TENM2: variants seen among roughly 807,000 people sequenced by gnomAD.
TENM2 encodes the protein teneurin-2.
TENM2 carries 52 observed loss-of-function variants against 245.2 expected under a neutral mutation model. That is an observed-to-expected ratio of 0.21 (90% CI 0.17 to 0.27). The LOEUF (loss-of-function observed/expected upper bound fraction) is 0.27, where lower values mean the gene tolerates loss of function less well. Among genes scored for constraint, TENM2 ranks in the 10% least tolerant of loss-of-function variants. The pLI, the probability that TENM2 is intolerant of heterozygous loss-of-function variation, is 1.00. For missense variants in TENM2, 3,046 were observed against 3,666.8 expected, an observed-to-expected ratio of 0.83 and a Z score of 4.37; for synonymous variants, 1,363 against 1,438.9, an observed-to-expected ratio of 0.95 and a Z score of 1.19.
intron 2 of TENM2, among the ~76,000 whole-genome samples, chr5:167,841,151 G>A (rs959808386): frequency 2.0e-5 from 3 of 151,608 alleles, no homozygotes; most frequent in Admixed American, 6.6e-5. Flanking sequence ...CCATCTCCCA[G>A]GTTCAAGTGA....
intron 27 of TENM2, among the ~76,000 whole-genome samples, chr5:168,256,134 A>G (rs1336866312): frequency 6.6e-6 from 1 of 152,050 alleles, no homozygotes; most frequent in Non-Finnish European, 1.5e-5. Flanking sequence ...ATTTACCTAA[A>G]TGGAAAGGCA....
chr5:167,868,306 C>T (rs1772506220), intron 2 of TENM2, among the ~76,000 whole-genome samples: 2 of 152,036 alleles, frequency 1.3e-5, no homozygotes, highest in African/African-American at 4.8e-5. Flanking sequence ...GCTAGTCTGA[C>T]ATTAGCACTA....
intron 12 of TENM2, among the ~76,000 whole-genome samples, chr5:168,137,250 G>A (rs188185143): frequency 2.6e-5 from 4 of 152,230 alleles, no homozygotes; most frequent in African/African-American, 9.6e-5. Flanking sequence ...TAGCAATGAA[G>A]TTGGTTAGAG....
chr5:167,762,194 C>T (rs1023230899), intron 2 of TENM2, among the ~76,000 whole-genome samples: 7 of 152,240 alleles, frequency 4.6e-5, no homozygotes, highest in Non-Finnish European at 7.4e-5. Context: ...TGCATGGATA[C>T]GCAGCTCTAA....
In TENM2 at chr5:168,080,137, C is replaced by G. The variant is rs565059577; in HGVS notation, c.1516-10437C>G. ...GTTATTGTTCTATTCAGGGAATCAA[C>G]TTCTTCCTGGTTTAGTCTTGGGAGG... On this transcript the variant is annotated intron_variant, in intron 7 of 28. Transcript: ENST00000518659. Among the ~76,000 whole-genome samples, 13 of 152,282 alleles carry G rather than the reference C, an allele frequency of 8.5e-5. No homozygotes were observed. In the South Asian group the frequency reaches 2.7e-3, roughly 32 times the overall value.
chr5:167,492,319 A>C (rs941735864), intron 2 of TENM2, among the ~76,000 whole-genome samples: 1 of 152,132 alleles, frequency 6.6e-6, no homozygotes, highest in Non-Finnish European at 1.5e-5. Flanking sequence ...AGGAGGGCAT[A>C]ACCCTATTTG....
intron 3 of TENM2, among the ~76,000 whole-genome samples, chr5:167,887,014 G>A (rs1336377676): frequency 1.3e-5 from 2 of 152,140 alleles, no homozygotes; most frequent in African/African-American, 4.8e-5. Context: ...CACAGCTTAG[G>A]ATGGCATGAG....
chr5:167,348,459 A>G (rs1206917137), intron 1 of TENM2, among the ~76,000 whole-genome samples: 3 of 152,134 alleles, frequency 2.0e-5, no homozygotes, highest in Non-Finnish European at 4.4e-5. Context: ...TATCCTGGCG[A>G]CAGCTTGCTT....
chr5:167,410,928 T>A (rs1184974747), intron 2 of TENM2, among the ~76,000 whole-genome samples: 1 of 152,084 alleles, frequency 6.6e-6, no homozygotes, highest in East Asian at 1.9e-4. Flanking sequence ...ACCCACCTAT[T>A]AACCTCTAGC....
At chr5:167,935,892 T>G (rs1196777335) in intron 3 of TENM2, among the ~76,000 whole-genome samples, 3 of 150,238 alleles carry the variant, frequency 2.0e-5, no homozygotes, top group Non-Finnish European at 4.5e-5. Context: ...ACAGGTATGA[T>G]TTTTTTTTTC....
chr5:167,037,008 T>A, the TENM2 span, among the ~76,000 whole-genome samples: 1 of 152,324 alleles, frequency 6.6e-6, no homozygotes, highest in South Asian at 2.1e-4. Flanking sequence ...CCACACCGAA[T>A]ATATTTTGCC....
At chr5:167,806,639 A>G (rs1000054086) in intron 2 of TENM2, among the ~76,000 whole-genome samples, 3 of 152,108 alleles carry the variant, frequency 2.0e-5, no homozygotes, top group African/African-American at 7.2e-5. Flanking sequence ...AATCCACAAT[A>G]TCATGCTTAC....
intron 2 of TENM2, among the ~76,000 whole-genome samples, chr5:167,383,469 G>T (rs1761215119): frequency 6.6e-6 from 1 of 151,982 alleles, no homozygotes; most frequent in Non-Finnish European, 1.5e-5. Flanking sequence ...TCTTGCCTCT[G>T]GGGAGCTCTG....
At chr5:168,114,136 A>G (rs543664260) in intron 9 of TENM2, among the ~76,000 whole-genome samples, 102 of 152,294 alleles carry the variant, frequency 6.7e-4, no homozygotes, top group African/African-American at 2.3e-3. Flanking sequence ...GCATCTCTTA[A>G]TTTGCCTACC....
intron 1 of TENM2, among the ~76,000 whole-genome samples, chr5:167,350,413 ATGTG>A (rs35747170): frequency 0.18 from 24,814 of 141,702 alleles, 2,395 homozygotes; most frequent in Middle Eastern, 0.34. Context: ...ATACATATAT[ATGTG>A]TGTGTGTGTG....
intron 2 of TENM2, among the ~76,000 whole-genome samples, chr5:167,573,531 C>CT (rs1554083976): frequency 2.7e-5 from 4 of 149,832 alleles, no homozygotes; most frequent in Non-Finnish European, 4.4e-5. Context: ...CCCCTCTCCC[C>CT]CTCTCTCTCT....
intron 7 of TENM2, among the ~76,000 whole-genome samples, chr5:168,083,228 C>T (rs779088245): frequency 5.3e-5 from 8 of 152,172 alleles, no homozygotes; most frequent in Non-Finnish European, 8.8e-5. Context: ...ACCGAGGATC[C>T]GTTGGTGTGG....
the TENM2 span, among the ~76,000 whole-genome samples, chr5:167,092,783 A>T: frequency 6.6e-6 from 1 of 152,192 alleles, no homozygotes; most frequent in South Asian, 2.1e-4. Context: ...GCCCTTACAG[A>T]TCAGTAAGAA....
intron 12 of TENM2, among the ~76,000 whole-genome samples, chr5:168,155,929 A>G (rs1308973965): frequency 7.0e-6 from 1 of 143,836 alleles, no homozygotes; most frequent in African/African-American, 2.6e-5. Context: ...AAAAAATTGT[A>G]AGTACGGTCT....
Sources: gnomAD v4.1 joint callset for allele counts (sites outside exome capture counted in the v4.1 genomes callset) on GRCh38, gnomAD v4.1.1 for gene constraint, MANE v1.5 for transcripts, NCBI Gene and HGNC (gene_info 2026-07-23, HGNC 2026-07-21) for gene names.